ZRANB3: variants seen among roughly 807,000 people sequenced by gnomAD.
ZRANB3 encodes the protein DNA annealing helicase and endonuclease ZRANB3.
Under a neutral mutation model 133.8 loss-of-function variants are expected in ZRANB3, and 125 were observed. The observed-to-expected ratio is 0.93, with a 90% CI of 0.81 to 1.08. The LOEUF (loss-of-function observed/expected upper bound fraction) is 1.08, where lower values mean the gene tolerates loss of function less well. ZRANB3 is among the 50% of genes least tolerant of loss of function. ZRANB3 has a pLI of 0.00. For missense variants in ZRANB3, 1,229 were observed against 1,275.5 expected (o/e 0.96, Z 0.56); for synonymous variants, 387 against 432.7 (o/e 0.89, Z 1.31).
intron 2 of ZRANB3, among the ~76,000 whole-genome samples, chr2:135,406,937 C>T (rs1378619520): frequency 6.6e-6 from 1 of 152,198 alleles, no homozygotes; most frequent in African/African-American, 2.4e-5. Flanking sequence ...TCTCTCACCA[C>T]TCCTATTCAA....
intron 3 of ZRANB3, among the ~76,000 whole-genome samples, chr2:135,363,321 C>T (rs1685773458): frequency 6.6e-6 from 1 of 152,094 alleles, no homozygotes; most frequent in African/African-American, 2.4e-5. Context: ...GCAAGCATCA[C>T]CTCACCCAGC....
At chr2:135,443,413 T>G in intron 2 of ZRANB3, among the ~76,000 whole-genome samples, 1 of 151,286 alleles carries the variant, frequency 6.6e-6, no homozygotes, top group African/African-American at 2.4e-5. Flanking sequence ...GGGATAGCAT[T>G]AGGAGAAATA....
intron 2 of ZRANB3, among the ~76,000 whole-genome samples, chr2:135,391,084 C>T (rs1054548627): frequency 6.6e-6 from 1 of 152,188 alleles, no homozygotes; most frequent in Non-Finnish European, 1.5e-5. Context: ...TGGTATCGAT[C>T]TCTTGACCTC....
At chr2:135,525,303 T>A (rs1694104883) in intron 1 of ZRANB3, among the ~76,000 whole-genome samples, 1 of 152,076 alleles carries the variant, frequency 6.6e-6, no homozygotes, top group Admixed American at 6.5e-5. Flanking sequence ...ACCTTTTAGA[T>A]CAGATTGAAT....
At chr2:135,370,920 C>G (rs1438687541) in intron 3 of ZRANB3, among the ~76,000 whole-genome samples, 1 of 152,200 alleles carries the variant, frequency 6.6e-6, no homozygotes, top group African/African-American at 2.4e-5. Context: ...GTTTTATAAG[C>G]ATCTGGCATT....
chr2:135,228,715 G>A (rs1280605407), intron 13 of ZRANB3, among the ~76,000 whole-genome samples: 1 of 152,184 alleles, frequency 6.6e-6, no homozygotes, highest in Non-Finnish European at 1.5e-5. Context: ...TTAGCATGAT[G>A]TAGTAAAGAA....
chr2:135,282,511 CAAAGAA>C (rs1360869255), intron 8 of ZRANB3, among the ~76,000 whole-genome samples: 1 of 152,146 alleles, frequency 6.6e-6, no homozygotes. Context: ...CAAATTTTCC[CAAAGAA>C]ACACTAGTTT....
chr2:135,454,565 T>A (rs189368530), intron 2 of ZRANB3, among the ~76,000 whole-genome samples: 97 of 152,300 alleles, frequency 6.4e-4, no homozygotes, highest in African/African-American at 2.3e-3. Context: ...ACCCAAAAGA[T>A]GACTTTTCAT....
intron 6 of ZRANB3, 55 bp downstream of exon 6, chr2:135,345,495 C>A: frequency 1.6e-6 from 2 of 1,224,746 alleles, no homozygotes. Flanking sequence ...ATTAATAAAG[C>A]AATGTTCACA....
chr2:135,322,607 A>G (rs1683584604), intron 6 of ZRANB3, among the ~76,000 whole-genome samples: 2 of 152,060 alleles, frequency 1.3e-5, no homozygotes, highest in African/African-American at 4.8e-5. Flanking sequence ...AGTCCTCCCT[A>G]CTTGGGAGGC....
intron 12 of ZRANB3, among the ~76,000 whole-genome samples, chr2:135,256,608 G>A (rs776822470): frequency 3.3e-5 from 5 of 152,220 alleles, no homozygotes; most frequent in African/African-American, 4.8e-5. Context: ...GATTATAGGC[G>A]TGAGCCACCA....
intron 19 of ZRANB3, among the ~76,000 whole-genome samples, chr2:135,204,749 T>A (rs1177230684): frequency 6.9e-6 from 1 of 144,736 alleles, no homozygotes; most frequent in Admixed American, 7.2e-5. Context: ...ATATTTATAT[T>A]ATATATTTAT....
At chr2:135,320,564 A>T (rs1208759280) in intron 6 of ZRANB3, among the ~76,000 whole-genome samples, 11 of 152,200 alleles carry the variant, frequency 7.2e-5, no homozygotes, top group African/African-American at 2.2e-4. Flanking sequence ...AAATTGAAAG[A>T]ATAAACATAC....
intron 3 of ZRANB3, among the ~76,000 whole-genome samples, chr2:135,377,242 C>T (rs1686470114): frequency 6.6e-6 from 1 of 152,128 alleles, no homozygotes. Flanking sequence ...TCCTGGCCTT[C>T]ACACCCTGCT....
chr2:135,234,398 TAAC>T (rs1342049123), intron 12 of ZRANB3, among the ~76,000 whole-genome samples: 1 of 152,062 alleles, frequency 6.6e-6, no homozygotes, highest in African/African-American at 2.4e-5. Context: ...GACAGAAAGT[TAAC>T]AAGGATATCC....
chr2:135,519,879 T>C (rs1421479637), intron 1 of ZRANB3, among the ~76,000 whole-genome samples: 1 of 152,042 alleles, frequency 6.6e-6, no homozygotes, highest in Non-Finnish European at 1.5e-5. Flanking sequence ...TAAATATACA[T>C]ACATCAAAGT....
At chr2:135,437,848 G>A (rs1689613748) in intron 2 of ZRANB3, among the ~76,000 whole-genome samples, 3 of 152,180 alleles carry the variant, frequency 2.0e-5, no homozygotes, top group Admixed American at 2.0e-4. Flanking sequence ...GGGTATGTCT[G>A]TGAGGATGTT....
At chr2:135,294,351 C>A (rs1681922339) in intron 8 of ZRANB3, among the ~76,000 whole-genome samples, 2 of 152,138 alleles carry the variant, frequency 1.3e-5, no homozygotes, top group South Asian at 2.1e-4. Flanking sequence ...GGAATTTATC[C>A]ATTTCTTCTA....
intron 17 of ZRANB3, among the ~76,000 whole-genome samples, chr2:135,214,980 C>T (rs549664647): frequency 5.9e-5 from 9 of 152,294 alleles, no homozygotes; most frequent in Admixed American, 3.9e-4. Flanking sequence ...TGCAGTGGCA[C>T]GATCACAGCT....
Sources: gnomAD v4.1 joint callset for allele counts (sites outside exome capture counted in the v4.1 genomes callset) on GRCh38, gnomAD v4.1.1 for gene constraint, MANE v1.5 for transcripts, NCBI Gene and HGNC (gene_info 2026-07-23, HGNC 2026-07-21) for gene names.